The following EFL1 variants were observed in gnomAD, a reference collection of about 807,000 sequenced individuals.
EFL1 encodes the protein elongation factor like GTPase 1, also known as elongation factor-like GTPase 1.
Under a neutral mutation model 126.7 loss-of-function variants are expected in EFL1, and 76 were observed. That is an observed-to-expected ratio of 0.60 (90% confidence interval 0.50 to 0.73). EFL1 has a LOEUF of 0.73. EFL1 is among the 30% of genes least tolerant of loss of function. The probability of loss-of-function intolerance (pLI) is 0.00; values close to 1 mark genes in which losing one functional copy is unlikely to be tolerated. For missense variants in EFL1, 1,128 were observed against 1,343.2 expected, an observed-to-expected ratio of 0.84 and a Z score of 2.50; for synonymous variants, 410 against 448.4, an observed-to-expected ratio of 0.91 and a Z score of 1.08.
At chr15:82,211,487 A>G (rs913139106) in intron 15 of EFL1, among the ~76,000 whole-genome samples, 2 of 150,200 alleles carry the variant, frequency 1.3e-5, no homozygotes, top group Admixed American at 1.3e-4. Flanking sequence ...GATTGTGCCA[A>G]TGTACTCCAG....
intron 3 of EFL1, among the ~76,000 whole-genome samples, chr15:82,257,183 ATTT>A (rs973776895): frequency 2.6e-5 from 4 of 152,148 alleles, no homozygotes; most frequent in African/African-American, 9.6e-5. Flanking sequence ...TCTTGACTCC[ATTT>A]TAGCAAGTTA....
chr15:82,140,018 C>CAG (rs1356825663), intron 18 of EFL1, among the ~76,000 whole-genome samples: 2 of 152,160 alleles, frequency 1.3e-5, no homozygotes, highest in Non-Finnish European at 2.9e-5. Flanking sequence ...AAACAAATGG[C>CAG]AGAAAATCTA....
At position 82,151,954 on chromosome 15, in the gene EFL1, T is replaced by G. The variant is rs2073914537; in HGVS notation, c.2500A>C (p.Asn834His). 6.2e-7 allele frequency: 1 copy of G among 1,614,056 alleles called. No homozygotes were observed. Residue 834 changes from asparagine to histidine, a missense_variant, in exon 18 of 20, where the codon AAC becomes CAC. By Grantham distance (68) the Asn-to-His change is moderately conservative. Around this residue, in one of 6 missense-constraint regions of EFL1, gnomAD observed 561 missense variants for 641.7 expected, o/e 0.87. Coordinates refer to ENST00000268206, the MANE Select transcript of EFL1 (RefSeq NM_024580.6). ...WSFGPRKCGP[N>H]ILVNKSEDFQ... is the part of the protein sequence containing the mutation. The stretch of plus-strand genomic sequence containing the variant: ...TCTTCACTTTTATTGACTAGTATGT[T>G]GGGCCCACATTTTCTTGGGCCAAAT...
chr15:82,186,931 C>T (rs987851850), intron 15 of EFL1, among the ~76,000 whole-genome samples: 1 of 152,184 alleles, frequency 6.6e-6, no homozygotes, highest in Non-Finnish European at 1.5e-5. Context: ...GCCTTTTGAG[C>T]ACTCCCTCAC....
In EFL1 at chr15:82,219,642, C is replaced by G. The variant is rs756046591; in HGVS notation, c.1611+10G>C. 14 of 1,595,402 alleles carry G rather than the reference C, an allele frequency of 8.8e-6. No individual in the cohort carries two copies. Among genetic ancestry groups the G allele is most frequent in the Non-Finnish European group, 1.2e-5 (14 of 1,174,686 alleles). On this transcript the variant is annotated intron_variant, in intron 14 of 19. Coordinates refer to ENST00000268206, the MANE Select transcript of EFL1 (RefSeq NM_024580.6). The stretch of plus-strand genomic sequence containing the variant: ...AAACAATATATAAATATTTTACTTT[C>G]AATTCTTACCCTTCGTAAAAACTCA...
chr15:82,170,852 C>T (rs1047115035), intron 15 of EFL1, among the ~76,000 whole-genome samples: 13 of 152,166 alleles, frequency 8.5e-5, no homozygotes, highest in African/African-American at 3.1e-4. Context: ...TATAGTAACA[C>T]ATGGTTTTAA....
At chr15:82,247,056 ACTGT>A (rs2074979313) in intron 4 of EFL1, among the ~76,000 whole-genome samples, 1 of 152,134 alleles carries the variant, frequency 6.6e-6, no homozygotes, top group African/African-American at 2.4e-5. Context: ...CGCTGGCAAG[ACTGT>A]CAGTGAAATG....
intron 18 of EFL1, among the ~76,000 whole-genome samples, chr15:82,141,585 T>C (rs940134918): frequency 2.6e-5 from 4 of 151,268 alleles, no homozygotes; most frequent in African/African-American, 4.9e-5. Flanking sequence ...GGAGAATCGC[T>C]TGGAGGAGAA....
Position 82,151,622 on chromosome 15 carries a change from C to T in EFL1, c.2832G>A (p.Gln944=). Residue 944 remains glutamine, a synonymous_variant, in exon 18 of 20, where the codon CAG becomes CAA. Transcript: ENST00000268206. The part of the protein sequence containing the change: ...CSEAFEKRTS[Q]KGESPLTDCY... ...AGTCAGTGAGTGGAGATTCTCCTTTCTGTGATGTCCTCTTCTCAAAGGCCT... is the reference window on the plus strand; with the variant it reads ...AGTCAGTGAGTGGAGATTCTCCTTTTTGTGATGTCCTCTTCTCAAAGGCCT... 6.2e-7 allele frequency: 1 copy of T among 1,614,174 alleles called. No homozygotes were observed.
intron 7 of EFL1, among the ~76,000 whole-genome samples, chr15:82,236,169 A>T (rs1359549477): frequency 6.6e-6 from 1 of 152,214 alleles, no homozygotes; most frequent in Non-Finnish European, 1.5e-5. Context: ...ATTTTTAAAA[A>T]TTTTAAATAA....
At chr15:82,250,730 C>T (rs542277511) in intron 4 of EFL1, among the ~76,000 whole-genome samples, 78 of 152,146 alleles carry the variant, frequency 5.1e-4, no homozygotes, top group Non-Finnish European at 1.3e-4. Context: ...TTTACTGATA[C>T]GGTCTCTAGA....
At chr15:82,139,017 T>C (rs531198400) in intron 18 of EFL1, among the ~76,000 whole-genome samples, 175 bp from the exon 19 acceptor site, 1 of 152,200 alleles carries the variant, frequency 6.6e-6, no homozygotes, top group South Asian at 2.1e-4. Flanking sequence ...AAGCATGAGA[T>C]TTATAGAAAA....
intron 15 of EFL1, among the ~76,000 whole-genome samples, chr15:82,169,995 ACCGAAAAGGTTATGGG>A (rs2074117035): frequency 6.6e-6 from 1 of 152,126 alleles, no homozygotes; most frequent in Admixed American, 6.5e-5. Flanking sequence ...GAAGACAGAA[ACCGAAAAGGTTATGGG>A]CCTCCTGGAG....
rs141904056 is a variant in EFL1 at position 82,207,307 on chromosome 15, T to TATATACAC, written c.1750+7409_1750+7410insGTGTATAT. Among the ~76,000 whole-genome samples, 1,138 of 145,394 alleles carry TATATACAC rather than the reference T, an allele frequency of 7.8e-3. 15 individuals carry two copies. The highest frequency in any genetic ancestry group is 0.027 in the African/African-American group (1,067 of 39,040). ...GTGTGTATATATATATATATATATATACACACACACATATAACATATATAG... is the reference window on the plus strand; with the variant it reads ...GTGTGTATATATATATATATATATATATATACACACACACACACATATAACATATATAG... On this transcript the variant is annotated intron_variant, in intron 15 of 19. Transcript: ENST00000268206.
At chr15:82,219,238 G>A (rs1299516857) in intron 14 of EFL1, among the ~76,000 whole-genome samples, 1 of 152,150 alleles carries the variant, frequency 6.6e-6, no homozygotes, top group Non-Finnish European at 1.5e-5. Flanking sequence ...GGGTCTGTGT[G>A]CCATGCAACT....
intron 19 of EFL1, among the ~76,000 whole-genome samples, chr15:82,133,542 T>C (rs1000169636): frequency 1.3e-5 from 2 of 152,176 alleles, no homozygotes; most frequent in African/African-American, 2.4e-5. Flanking sequence ...TATGGGTGTA[T>C]CAATGTCAAT....
At chr15:82,164,711 C>T (rs1043920632) in intron 15 of EFL1, among the ~76,000 whole-genome samples, 1 of 151,688 alleles carries the variant, frequency 6.6e-6, no homozygotes, top group Non-Finnish European at 1.5e-5. Context: ...TCCTGGCTAA[C>T]ACGGTGAAAC....
At chr15:82,136,899 T>G (rs746218297) in intron 19 of EFL1, among the ~76,000 whole-genome samples, 1 of 152,136 alleles carries the variant, frequency 6.6e-6, no homozygotes, top group Admixed American at 6.5e-5. Flanking sequence ...CAGAGAAATA[T>G]GCAAAAGTCA....
At chr15:82,241,681 T>C (rs2074932885) in intron 4 of EFL1, among the ~76,000 whole-genome samples, 1 of 152,256 alleles carries the variant, frequency 6.6e-6, no homozygotes. Flanking sequence ...TCACTTTTAA[T>C]GTGCTAATCA....
Sources: gnomAD v4.1 joint callset for allele counts (sites outside exome capture counted in the v4.1 genomes callset) on GRCh38, gnomAD v4.1.1 for gene constraint, gnomAD v4.1.1 regional missense constraint, MANE v1.5 for transcripts, NCBI Gene and HGNC (gene_info 2026-07-23, HGNC 2026-07-21) for gene names.